Variants in SYT1 observed in about 807,000 individuals in gnomAD.
The protein encoded by SYT1 is synaptotagmin 1.
Under a neutral mutation model 44.8 loss-of-function variants are expected in SYT1, and 8 were observed. That is an observed-to-expected ratio of 0.18 (90% CI 0.10 to 0.32). SYT1 has a LOEUF of 0.32. SYT1 is among the 10% of genes least tolerant of loss of function. The pLI is 1.00. For synonymous variants in SYT1, 154 were observed against 188.8 expected (o/e 0.82, Z 1.51); for missense variants, 286 against 509.3 (o/e 0.56, Z 4.22).
intron 1 of SYT1, among the ~76,000 whole-genome samples, chr12:78,874,437 A>C (rs187233551): frequency 6.6e-6 from 1 of 151,582 alleles, no homozygotes; most frequent in African/African-American, 2.4e-5. Context: ...ATAGGATAAA[A>C]GTATGAAACT....
At chr12:79,238,864 T>C (rs1876341675) in intron 4 of SYT1, among the ~76,000 whole-genome samples, 1 of 152,236 alleles carries the variant, frequency 6.6e-6, no homozygotes. Context: ...TAATTTGCTT[T>C]GACTATAAAG....
chr12:78,983,901 A>G (rs1425604085), intron 2 of SYT1, among the ~76,000 whole-genome samples: 2 of 152,050 alleles, frequency 1.3e-5, no homozygotes, highest in South Asian at 2.1e-4. Context: ...CAGCATTAAC[A>G]TTTCAAAAAT....
chr12:79,163,884 T>C (rs1031334023), intron 3 of SYT1, among the ~76,000 whole-genome samples: 1 of 152,104 alleles, frequency 6.6e-6, no homozygotes, highest in Admixed American at 6.6e-5. Context: ...ATTTTTCTCA[T>C]TGTTTGTTAA....
chr12:79,210,937 T>G (rs574198963), intron 3 of SYT1, among the ~76,000 whole-genome samples: 99 of 152,056 alleles, frequency 6.5e-4, no homozygotes, highest in Non-Finnish European at 1.2e-3. Context: ...TTTAAAGTTT[T>G]TTTTTTTTTT....
intron 4 of SYT1, among the ~76,000 whole-genome samples, chr12:79,235,704 A>C (rs906630284): frequency 6.6e-6 from 1 of 150,694 alleles, no homozygotes; most frequent in African/African-American, 2.4e-5. Context: ...AAAACTTCTT[A>C]CAATTCAATA....
chr12:79,140,920 GAGCTC>G (rs1869518326), intron 3 of SYT1, among the ~76,000 whole-genome samples: 1 of 152,126 alleles, frequency 6.6e-6, no homozygotes, highest in Non-Finnish European at 1.5e-5. Context: ...ACCTCACCCT[GAGCTC>G]AGCTTGCCGA....
intron 3 of SYT1, among the ~76,000 whole-genome samples, chr12:79,056,146 A>G (rs899162738): frequency 1.3e-5 from 2 of 152,056 alleles, no homozygotes; most frequent in Non-Finnish European, 2.9e-5. Context: ...AGCAACAACA[A>G]AATTGCCTAA....
chr12:79,181,017 T>C (rs565278078), intron 3 of SYT1, among the ~76,000 whole-genome samples: 1 of 152,220 alleles, frequency 6.6e-6, no homozygotes, highest in South Asian at 2.1e-4. Context: ...TTCTCCTTGC[T>C]GCCGCCACAT....
At chr12:79,064,944 G>T (rs181625674) in intron 3 of SYT1, among the ~76,000 whole-genome samples, 22 of 130,208 alleles carry the variant, frequency 1.7e-4, no homozygotes, top group Admixed American at 1.4e-3. Flanking sequence ...AAGAAAGAAA[G>T]AAAGAAAGAA....
At chr12:79,214,896 G>A (rs1874682912) in intron 3 of SYT1, among the ~76,000 whole-genome samples, 2 of 151,508 alleles carry the variant, frequency 1.3e-5, no homozygotes, top group Admixed American at 1.3e-4. Flanking sequence ...TCACAGCAAA[G>A]GAAAAATTAA....
At chr12:79,094,440 A>G (rs1877987357) in intron 3 of SYT1, among the ~76,000 whole-genome samples, 1 of 151,880 alleles carries the variant, frequency 6.6e-6, no homozygotes, top group Non-Finnish European at 1.5e-5. Flanking sequence ...AATTCTTCCA[A>G]GAAATTTTAT....
intron 3 of SYT1, among the ~76,000 whole-genome samples, chr12:79,138,287 A>G (rs547150061): frequency 6.6e-6 from 1 of 152,328 alleles, no homozygotes; most frequent in South Asian, 2.1e-4. Context: ...AACCAATGAA[A>G]TCATGTATGA....
chr12:79,245,560 A>G (rs558302482), intron 4 of SYT1, among the ~76,000 whole-genome samples: 1 of 152,012 alleles, frequency 6.6e-6, no homozygotes, highest in East Asian at 1.9e-4. Context: ...AATGTTTATA[A>G]CAAGAAAAAT....
At chr12:79,358,100 TG>T (rs1442031587) in intron 9 of SYT1, among the ~76,000 whole-genome samples, 2 of 152,208 alleles carry the variant, frequency 1.3e-5, no homozygotes, top group Non-Finnish European at 1.5e-5. Flanking sequence ...TGTTTTGTTT[TG>T]TTTTTTGTCA....
At chr12:79,004,084 A>G (rs564711069) in intron 2 of SYT1, among the ~76,000 whole-genome samples, 2 of 152,050 alleles carry the variant, frequency 1.3e-5, no homozygotes, top group East Asian at 3.9e-4. Flanking sequence ...TATCCAAGAA[A>G]AGGTAATCAC....
intron 1 of SYT1, among the ~76,000 whole-genome samples, chr12:78,895,399 A>G (rs1230862680): frequency 6.6e-6 from 1 of 151,752 alleles, no homozygotes; most frequent in Non-Finnish European, 1.5e-5. Context: ...ATTACTGAAG[A>G]CTAAGCATTT....
chr12:79,310,028 C>G (rs1565902341), intron 8 of SYT1, among the ~76,000 whole-genome samples: 1 of 152,068 alleles, frequency 6.6e-6, no homozygotes, highest in Non-Finnish European at 1.5e-5. Flanking sequence ...TAATTACATC[C>G]CATTTGTCAA....
chr12:79,125,451 C>CAAA (rs61296536), intron 3 of SYT1, among the ~76,000 whole-genome samples: 2 of 99,052 alleles, frequency 2.0e-5, no homozygotes, highest in Non-Finnish European at 4.2e-5. Context: ...ACTGTCTCTA[C>CAAA]AAAAAAAAAA....
chr12:78,919,419 T>C (rs1472824624), intron 1 of SYT1, among the ~76,000 whole-genome samples: 1 of 152,034 alleles, frequency 6.6e-6, no homozygotes, highest in Non-Finnish European at 1.5e-5. Context: ...AAGAGAATAG[T>C]CTGGCTACAA....
Sources: gnomAD v4.1 joint callset for allele counts (sites outside exome capture counted in the v4.1 genomes callset) on GRCh38, gnomAD v4.1.1 for gene constraint, MANE v1.5 for transcripts, NCBI Gene and HGNC (gene_info 2026-07-23, HGNC 2026-07-21) for gene names.